RBFOX1: variants seen among roughly 807,000 people sequenced by gnomAD.
RBFOX1 encodes the protein RNA binding fox-1 homolog 1, also known as RNA binding protein fox-1 homolog 1.
In RBFOX1, 8 loss-of-function variants were observed where a neutral mutation model predicts 57.7. The ratio of observed to expected loss-of-function variants is 0.14; its 90% CI spans 0.08 to 0.25. The LOEUF is 0.25. Ranked by LOEUF, RBFOX1 falls within the 10% of genes least tolerant of loss-of-function variation. The pLI, the probability that RBFOX1 is intolerant of heterozygous loss-of-function variation, is 1.00. For missense variants in RBFOX1, 611 were observed against 548.5 expected (o/e 1.11, Z -1.14); for synonymous variants, 326 against 222.4 (o/e 1.47, Z -4.15).
intron 4 of RBFOX1, among the ~76,000 whole-genome samples, chr16:7,426,368 C>G (rs1385447920): frequency 1.3e-5 from 2 of 152,298 alleles, no homozygotes; most frequent in African/African-American, 4.8e-5. Context: ...ACACCCAGCT[C>G]TGGGGGCACC....
chr16:6,253,463 G>A (rs1021212500), intron 1 of RBFOX1, among the ~76,000 whole-genome samples: 1 of 152,098 alleles, frequency 6.6e-6, no homozygotes, highest in Non-Finnish European at 1.5e-5. Context: ...CCAGAGGCTC[G>A]TTTTCCAAAG....
intron 2 of RBFOX1, among the ~76,000 whole-genome samples, chr16:5,539,092 ACT>A (rs916982710): frequency 1.3e-5 from 2 of 151,534 alleles, no homozygotes; most frequent in African/African-American, 4.9e-5. Flanking sequence ...TGCCTTTCAG[ACT>A]CTCTTGTGTC....
intron 3 of RBFOX1, among the ~76,000 whole-genome samples, chr16:5,775,155 C>A (rs2054105223): frequency 6.6e-6 from 1 of 152,158 alleles, no homozygotes; most frequent in Admixed American, 6.5e-5. Context: ...CAAATCAGCT[C>A]AAAGTAACTC....
At chr16:7,446,500 G>A (rs2098808725) in intron 4 of RBFOX1, among the ~76,000 whole-genome samples, 1 of 152,148 alleles carries the variant, frequency 6.6e-6, no homozygotes, top group Non-Finnish European at 1.5e-5. Flanking sequence ...GTTTTAATGA[G>A]GTTGGAAGAA....
At chr16:7,028,691 A>G (rs2041761017) in intron 3 of RBFOX1, among the ~76,000 whole-genome samples, 1 of 151,676 alleles carries the variant, frequency 6.6e-6, no homozygotes, top group Non-Finnish European at 1.5e-5. Flanking sequence ...AGGATATTTG[A>G]AAATGTGAAC....
chr16:7,012,973 T>A (rs2093723125), intron 3 of RBFOX1, among the ~76,000 whole-genome samples: 1 of 152,140 alleles, frequency 6.6e-6, no homozygotes, highest in Non-Finnish European at 1.5e-5. Context: ...CTTCTCAATG[T>A]GTCTTCAGTG....
At chr16:5,515,138 A>T (rs960300080) in intron 2 of RBFOX1, among the ~76,000 whole-genome samples, 1 of 152,242 alleles carries the variant, frequency 6.6e-6, no homozygotes, top group Non-Finnish European at 1.5e-5. Context: ...CTCGGCCCCC[A>T]TGACCCAAAC....
intron 2 of RBFOX1, among the ~76,000 whole-genome samples, chr16:6,340,513 G>C (rs1201739370): frequency 2.6e-5 from 4 of 152,192 alleles, no homozygotes; most frequent in Admixed American, 1.3e-4. Context: ...ATTTCTTGAT[G>C]ATATGCTAAA....
intron 1 of RBFOX1, among the ~76,000 whole-genome samples, chr16:5,288,138 T>C (rs1232158007): frequency 6.6e-6 from 1 of 152,256 alleles, no homozygotes; most frequent in East Asian, 1.9e-4. Flanking sequence ...AATGATTGGC[T>C]GATTTTATTT....
chr16:6,769,341 G>A (rs956006011), intron 3 of RBFOX1, among the ~76,000 whole-genome samples: 1 of 152,156 alleles, frequency 6.6e-6, no homozygotes, highest in African/African-American at 2.4e-5. Flanking sequence ...TCTATTAAAG[G>A]TCTTTCTCCC....
At chr16:6,922,955 T>A (rs536016428) in intron 3 of RBFOX1, among the ~76,000 whole-genome samples, 1 of 152,160 alleles carries the variant, frequency 6.6e-6, no homozygotes, top group Non-Finnish European at 1.5e-5. Flanking sequence ...CCAGAACATA[T>A]CCAAATCAGA....
intron 3 of RBFOX1, among the ~76,000 whole-genome samples, chr16:5,713,811 CTG>C (rs2051582962): frequency 6.6e-6 from 1 of 152,268 alleles, no homozygotes; most frequent in Non-Finnish European, 1.5e-5. Context: ...AGCTAGAACT[CTG>C]AGGGCTTGAC....
intron 1 of RBFOX1, among the ~76,000 whole-genome samples, chr16:6,042,706 A>G (rs1345875388): frequency 6.6e-6 from 1 of 152,154 alleles, no homozygotes; most frequent in Non-Finnish European, 1.5e-5. Context: ...TGACTGGGTT[A>G]TAGTTTGGTT....
intron 2 of RBFOX1, among the ~76,000 whole-genome samples, chr16:6,452,203 C>T (rs1274117361): frequency 2.7e-5 from 4 of 150,704 alleles, no homozygotes; most frequent in Non-Finnish European, 5.9e-5. Context: ...CCCATGGCTT[C>T]TTCCTTCCAT....
chr16:7,098,491 C>T (rs7189549), intron 4 of RBFOX1, among the ~76,000 whole-genome samples: 52,315 of 152,118 alleles, frequency 0.34, 9,369 homozygotes, highest in South Asian at 0.38. Flanking sequence ...TTATTCTATT[C>T]ATTCATTTGT....
intron 2 of RBFOX1, among the ~76,000 whole-genome samples, chr16:6,428,600 G>T (rs1040834030): frequency 1.3e-5 from 2 of 152,086 alleles, no homozygotes; most frequent in African/African-American, 4.8e-5. Context: ...ATTAATGTAT[G>T]TAAAGTACTT....
chr16:6,630,510 T>C (rs1171136568), intron 2 of RBFOX1, among the ~76,000 whole-genome samples: 1 of 152,158 alleles, frequency 6.6e-6, no homozygotes, highest in Non-Finnish European at 1.5e-5. Context: ...TCTTATTTCG[T>C]ACTTAAAACA....
intron 3 of RBFOX1, among the ~76,000 whole-genome samples, chr16:5,644,234 G>T (rs1182191763): frequency 1.3e-5 from 2 of 152,138 alleles, no homozygotes; most frequent in Non-Finnish European, 2.9e-5. Flanking sequence ...GTAAATTGGG[G>T]CTCTAATTAA....
At chr16:7,460,389 A>ATATATG in intron 4 of RBFOX1, among the ~76,000 whole-genome samples, 14 of 87,206 alleles carry the variant, frequency 1.6e-4, no homozygotes, top group African/African-American at 7.2e-4. Context: ...ATATATATAT[A>ATATATG]TGTGTGTGTG....
Sources: allele counts gnomAD v4.1 joint callset (sites outside exome capture counted in the v4.1 genomes callset), GRCh38; gene constraint gnomAD v4.1.1; transcripts MANE v1.5; gene names NCBI Gene and HGNC (gene_info 2026-07-23, HGNC 2026-07-21).